The following DNAH11 variants were observed in gnomAD, a reference collection of about 807,000 sequenced individuals.
The protein encoded by DNAH11 is dynein axonemal heavy chain 11.
A neutral mutation model predicts 526.0 loss-of-function variants in DNAH11; 442 were observed. The observed-to-expected ratio is 0.84, with a 90% confidence interval of 0.78 to 0.91. The LOEUF is 0.91. DNAH11 is among the 40% of genes least tolerant of loss of function. The pLI is 0.00. For missense variants in DNAH11, 6,989 were observed against 5,448.7 expected (o/e 1.28, Z -8.90); for synonymous variants, 2,461 against 1,935.9 (o/e 1.27, Z -7.12).
chr7:21,896,243 T>C (rs531390542), intron 79 of DNAH11, among the ~76,000 whole-genome samples: 1 of 152,348 alleles, frequency 6.6e-6, no homozygotes, highest in Admixed American at 6.5e-5. Context: ...GGCTTTTCTT[T>C]TTTTATCAGA....
At chr7:21,544,097 A>C (rs188080932) in intron 1 of DNAH11, among the ~76,000 whole-genome samples, 1 of 152,124 alleles carries the variant, frequency 6.6e-6, no homozygotes, top group Non-Finnish European at 1.5e-5. Context: ...CTCCGCACAC[A>C]TGGGTGTTTA....
At chr7:21,732,470 A>G (rs894507344) in intron 45 of DNAH11, among the ~76,000 whole-genome samples, 3 of 152,154 alleles carry the variant, frequency 2.0e-5, no homozygotes, top group African/African-American at 7.2e-5. Context: ...GGGGGACACA[A>G]TATTATCAGC....
rs771017427 is a variant in DNAH11 at position 21,591,298 on chromosome 7, G to A, written c.2388G>A (p.Leu796=). ...AGCTGAGGGCTATTGACGAGCAGCT[G>A]ACAGCAGCCACAACGTGGCTGACAT... is the stretch of plus-strand genomic sequence containing the variant. The part of the protein sequence containing the change: ...EDELRAIDEQ[L]TAATTWLTWQ... The change falls in exon 14 of 82, where the codon CTG becomes CTA. Residue 796 remains leucine, a synonymous_variant. Coordinates refer to ENST00000409508, the MANE Select transcript of DNAH11 (RefSeq NM_001277115.2). 2.2e-5 allele frequency: 35 copies of A among 1,613,620 alleles called. No individual in the cohort carries two copies. The highest frequency in any genetic ancestry group is 1.8e-4 in the Admixed American group (11 of 59,998).
intron 35 of DNAH11, among the ~76,000 whole-genome samples, chr7:21,693,921 T>C (rs996689836): frequency 3.9e-5 from 6 of 152,284 alleles, no homozygotes; most frequent in Admixed American, 1.3e-4. Context: ...GAAGCAAGCA[T>C]GTCTTACAAG....
At position 21,601,695 on chromosome 7, in the gene DNAH11, C is replaced by T. The variant is rs946365727; in HGVS notation, c.3648+77C>T. 284 of 1,092,474 alleles carry T rather than the reference C, an allele frequency of 2.6e-4. 1 individual carries two copies. In the Middle Eastern group the frequency reaches 3.0e-3, roughly 12 times the overall value. 67.7% of individuals were successfully genotyped at this position (1,092,474 alleles called of 1,614,324 possible). A position where few individuals can be genotyped will look rare whatever the true frequency, so the allele number is the denominator to read the frequency against. ...TATTAAAGTACTTTACATGTACTCT[C>T]TTATGATGTCCTTATAACAATCTAT... On this transcript the variant is annotated intron_variant, in intron 18 of 81. Coordinates refer to ENST00000409508, the MANE Select transcript of DNAH11 (RefSeq NM_001277115.2).
At chr7:21,665,660 T>A (rs1188514705) in intron 30 of DNAH11, among the ~76,000 whole-genome samples, 2 of 152,192 alleles carry the variant, frequency 1.3e-5, no homozygotes, top group African/African-American at 2.4e-5. Context: ...TCCACTTTGT[T>A]CTAGAGTTAA....
intron 28 of DNAH11, among the ~76,000 whole-genome samples, chr7:21,655,297 A>G (rs1007690830): frequency 2.0e-5 from 3 of 152,140 alleles, no homozygotes; most frequent in East Asian, 1.9e-4. Flanking sequence ...TTCCTCATCA[A>G]TGAAAAGGGA....
At chr7:21,664,669 C>G (rs1782359233) in intron 30 of DNAH11, among the ~76,000 whole-genome samples, 1 of 151,980 alleles carries the variant, frequency 6.6e-6, no homozygotes, top group Non-Finnish European at 1.5e-5. Context: ...CTATGTTGAG[C>G]AGGCTGGTTT....
chr7:21,854,177 C>G, intron 67 of DNAH11, 138 bp from the exon 68 acceptor site: 1 of 809,574 alleles, frequency 1.2e-6, no homozygotes, highest in East Asian at 3.0e-5. Context: ...TAGAAAAGCT[C>G]GAGCACATGG....
At position 21,892,473 on chromosome 7, in the gene DNAH11, C is replaced by A. The variant is rs956895082; in HGVS notation, c.12556C>A (p.Leu4186Ile). Reference protein sequence around the residue: ...LAPGFAAPPYLDYAGYHQYIE... With the variant: ...LAPGFAAPPYIDYAGYHQYIE... Reference sequence around the variant, plus strand: ...ACCAGGTTTTGCTGCCCCACCCTACCTAGATTATGCAGGCTACCACCAGTA... The same window carrying A: ...ACCAGGTTTTGCTGCCCCACCCTACATAGATTATGCAGGCTACCACCAGTA... Residue 4186 changes from leucine (L) to isoleucine (I), a missense_variant, in exon 77 of 82, where the codon CTA becomes ATA. By Grantham distance (5) the Leu-to-Ile change is conservative (BLOSUM62 2). Transcript: ENST00000409508. 1.2e-6 allele frequency: 2 copies of A among 1,613,730 alleles called. No individual in the cohort carries two copies. Among genetic ancestry groups the A allele is most frequent in the African/African-American group, 2.7e-5 (2 of 74,916 alleles).
chr7:21,642,157 C>A (rs73682660), intron 28 of DNAH11, among the ~76,000 whole-genome samples: 5,005 of 152,210 alleles, frequency 0.033, 249 homozygotes, highest in African/African-American at 0.11. Context: ...AAGTTGTGCT[C>A]AAAATGTGAT....
At chr7:21,768,839 A>G (rs981624994) in intron 55 of DNAH11, among the ~76,000 whole-genome samples, 1 of 152,214 alleles carries the variant, frequency 6.6e-6, no homozygotes, top group African/African-American at 2.4e-5. Context: ...CACAAAGGGT[A>G]TAAGACAACA....
At chr7:21,554,170 ATTTT>A (rs746086141) in intron 2 of DNAH11, among the ~76,000 whole-genome samples, 27 of 110,350 alleles carry the variant, frequency 2.4e-4, no homozygotes, top group African/African-American at 6.5e-4. Context: ...GTTCTCTGGG[ATTTT>A]TTTTTTTTTT....
At chr7:21,788,875 C>T (rs142662744) in intron 60 of DNAH11, among the ~76,000 whole-genome samples, 2 of 152,274 alleles carry the variant, frequency 1.3e-5, no homozygotes, top group African/African-American at 4.8e-5. Flanking sequence ...TGACTTATAT[C>T]GCATTTTATG....
Position 21,707,796 on chromosome 7 carries a change from G to A in DNAH11, c.6644G>A (p.Gly2215Asp). ...PKAVTTDELF[G>D]FIHHATREWK... is the part of the protein sequence containing the mutation. Reference sequence around the variant, plus strand: ...GCTGTGACAACAGATGAACTCTTTGGTTTCATACATCATGCTACCCGAGAA... The same window carrying A: ...GCTGTGACAACAGATGAACTCTTTGATTTCATACATCATGCTACCCGAGAA... Residue 2215 changes from glycine to aspartate, a missense_variant, in exon 40 of 82, where the codon GGT becomes GAT. By Grantham distance (94) the Gly-to-Asp change is moderately conservative. Transcript: ENST00000409508. The A allele has an allele frequency of 6.2e-7, 1 of 1,609,738 alleles. No individual in the cohort carries two copies.
At chr7:21,717,371 T>C (rs1784707346) in intron 42 of DNAH11, among the ~76,000 whole-genome samples, 1 of 152,162 alleles carries the variant, frequency 6.6e-6, no homozygotes, top group Admixed American at 6.5e-5. Flanking sequence ...CGTAACTGAT[T>C]TCTTATTACT....
At chr7:21,805,618 A>G (rs1414265955) in intron 62 of DNAH11, among the ~76,000 whole-genome samples, 6 of 152,182 alleles carry the variant, frequency 3.9e-5, no homozygotes, top group African/African-American at 1.4e-4. Context: ...AAAAACTGTT[A>G]TATAATTAGA....
intron 14 of DNAH11, among the ~76,000 whole-genome samples, chr7:21,595,062 A>G (rs1386025934): frequency 6.6e-6 from 1 of 152,180 alleles, no homozygotes; most frequent in Non-Finnish European, 1.5e-5. Context: ...TCAGGCTGAT[A>G]TAGCAAAATA....
Position 21,616,307 on chromosome 7 carries a change from T to G in DNAH11, c.4095+15T>G, listed in dbSNP as rs2128452657. On this transcript the variant is annotated intron_variant, in intron 22 of 81. Transcript: ENST00000409508. Reference sequence around the variant, plus strand: ...GGTTTGCCAAGGCGAGTTCCATAACTGTCTATTACAACAATTTATCTTTCT... The same window carrying G: ...GGTTTGCCAAGGCGAGTTCCATAACGGTCTATTACAACAATTTATCTTTCT... The G allele has an allele frequency of 6.3e-7, 1 of 1,598,728 alleles. No individual in the cohort carries two copies. Among genetic ancestry groups the G allele is most frequent in the Non-Finnish European group, 8.6e-7 (1 of 1,168,672 alleles).
Sources: allele counts gnomAD v4.1 joint callset (sites outside exome capture counted in the v4.1 genomes callset), GRCh38; gene constraint gnomAD v4.1.1; transcripts MANE v1.5; gene names NCBI Gene and HGNC (gene_info 2026-07-23, HGNC 2026-07-21).